The following PHF14 variants were observed in gnomAD, a reference collection of about 807,000 sequenced individuals.
The protein encoded by PHF14 is PHD finger protein 14.
In PHF14, 55 loss-of-function variants were observed where a neutral mutation model predicts 117.9. The observed-to-expected ratio is 0.47, with a 90% confidence interval of 0.38 to 0.58. The LOEUF (loss-of-function observed/expected upper bound fraction) is 0.58. Among genes scored for constraint, PHF14 ranks in the 20% least tolerant of loss-of-function variants. The probability of loss-of-function intolerance (pLI) is 0.00; values close to 1 mark genes in which losing one functional copy is unlikely to be tolerated. For synonymous variants in PHF14, 409 were observed against 368.6 expected, an observed-to-expected ratio of 1.11 and a Z score of -1.26; for missense variants, 978 against 1,122.2, an observed-to-expected ratio of 0.87 and a Z score of 1.84.
At chr7:10,989,511 C>G (rs1055957072) in intron 3 of PHF14, among the ~76,000 whole-genome samples, 2 of 152,118 alleles carry the variant, frequency 1.3e-5, no homozygotes, top group Non-Finnish European at 2.9e-5. Flanking sequence ...ATTAAATATG[C>G]AAGAATCATT....
chr7:11,016,061 A>T (rs1332615910), intron 5 of PHF14, among the ~76,000 whole-genome samples: 1 of 152,146 alleles, frequency 6.6e-6, no homozygotes, highest in African/African-American at 2.4e-5. Flanking sequence ...TGAATGAAGA[A>T]AACTGAGGCC....
chr7:11,073,094 C>T (rs1015384628), intron 16 of PHF14, among the ~76,000 whole-genome samples: 12 of 152,076 alleles, frequency 7.9e-5, no homozygotes, highest in Non-Finnish European at 1.3e-4. Flanking sequence ...CTCCTTGCCC[C>T]CCCTCCCCAG....
Position 11,102,369 on chromosome 7 carries a change from C to G in PHF14, c.2655-8981C>G, listed in dbSNP as rs528052284. On this transcript the variant is annotated intron_variant, in intron 16 of 17. Coordinates refer to ENST00000634607, the MANE Select transcript of PHF14 (RefSeq NM_001007157.2). ...GGTTTAGAGTATCTATCTCTTTGGA[C>G]CAGATCATATGTTATTTGAATCTAC... 2.7e-4 allele frequency: 290 copies of G among 1,063,880 alleles called. 1 individual carries two copies. The South Asian group carries it at 4.0e-3, about 15-fold the overall frequency. 65.9% of individuals were successfully genotyped at this position (1,063,880 alleles called of 1,614,324 possible). A position where few individuals can be genotyped will look rare whatever the true frequency, so the allele number is the denominator to read the frequency against.
Position 10,982,510 on chromosome 7 carries a change from C to A in PHF14, c.251C>A (p.Ser84Tyr), listed in dbSNP as rs199762530. Residue 84 changes from serine to tyrosine, a missense_variant, in exon 3 of 18, where the codon TCT becomes TAT. Physicochemically the swap from Ser to Tyr is moderately radical, Grantham distance 144. Coordinates refer to ENST00000634607, the MANE Select transcript of PHF14 (RefSeq NM_001007157.2). ...GTAAAAGAAGAACAACTTAAAAATT[C>A]TGCAGAGGAAGAAGTACTATCATCA... ...IKVKEEQLKN[S>Y]AEEEVLSSEK... is the part of the protein sequence containing the mutation. 1.9e-6 allele frequency: 3 copies of A among 1,550,040 alleles called. No individual in the cohort carries two copies. Among genetic ancestry groups the A allele is most frequent in the Non-Finnish European group, 2.6e-6 (3 of 1,136,794 alleles).
intron 16 of PHF14, chr7:11,102,760 C>T (rs781466175): frequency 5.1e-6 from 7 of 1,382,834 alleles, no homozygotes; most frequent in Non-Finnish European, 6.5e-6. Context: ...TATTTTTCTT[C>T]TTTTTGCTTT....
At chr7:11,004,461 AC>A (rs1457826064) in intron 4 of PHF14, among the ~76,000 whole-genome samples, 1 of 150,810 alleles carries the variant, frequency 6.6e-6, no homozygotes, top group Non-Finnish European at 1.5e-5. Flanking sequence ...CTCTATTGTC[AC>A]TATGGTTTCT....
intron 16 of PHF14, among the ~76,000 whole-genome samples, chr7:11,064,070 A>G (rs1346962224): frequency 6.6e-6 from 1 of 151,986 alleles, no homozygotes; most frequent in Non-Finnish European, 1.5e-5. Context: ...TATTGGTACT[A>G]TATTTTAATA....
At chr7:11,146,092 T>G (rs1434795107) in intron 17 of PHF14, among the ~76,000 whole-genome samples, 5 of 152,132 alleles carry the variant, frequency 3.3e-5, no homozygotes, top group African/African-American at 1.2e-4. Flanking sequence ...CTGTAAACAG[T>G]GAAAATGTCA....
intron 16 of PHF14, 108 bp from the exon 17 acceptor site, chr7:11,111,239 TAAC>T: frequency 2.1e-6 from 1 of 469,464 alleles, no homozygotes; most frequent in Non-Finnish European, 3.8e-6. Context: ...AGGATAAAAT[TAAC>T]AGTGTTGAAG....
At chr7:11,135,602 CT>C (rs1379218227) in intron 17 of PHF14, among the ~76,000 whole-genome samples, 1 of 151,972 alleles carries the variant, frequency 6.6e-6, no homozygotes, top group Non-Finnish European at 1.5e-5. Flanking sequence ...AAGAAATGTT[CT>C]TTTTTTCCCA....
Position 10,982,531 on chromosome 7 carries a change from C to A in PHF14, c.272C>A (p.Ser91Ter). Residue 91 changes from serine to a stop codon, truncating the protein, a stop_gained, in exon 3 of 18, where the codon TCA becomes TAA. Coordinates refer to ENST00000634607, the MANE Select transcript of PHF14 (RefSeq NM_001007157.2). LOFTEE classifies it high-confidence loss of function. The stretch of plus-strand genomic sequence containing the variant: ...AATTCTGCAGAGGAAGAAGTACTAT[C>A]ATCAGAAAAACAATTAATTAAAATG... ...LKNSAEEEVL[S>*]SEKQLIKMEK... The A allele has an allele frequency of 6.6e-7, 1 of 1,522,552 alleles. No homozygotes were observed. Among genetic ancestry groups the A allele is most frequent in the Non-Finnish European group, 8.9e-7 (1 of 1,119,866 alleles). 94.3% of individuals were successfully genotyped at this position (1,522,552 alleles called of 1,614,324 possible).
intron 16 of PHF14, chr7:11,107,483 G>C: frequency 7.1e-6 from 6 of 841,246 alleles, no homozygotes; most frequent in Non-Finnish European, 8.6e-6. Context: ...AATTAGGTTT[G>C]CTTTTATCTT....
intron 17 of PHF14, among the ~76,000 whole-genome samples, chr7:11,165,338 A>T (rs1232386267): frequency 6.6e-6 from 1 of 152,170 alleles, no homozygotes; most frequent in Non-Finnish European, 1.5e-5. Flanking sequence ...ACCAGAGGTG[A>T]TGTGCCGTTT....
chr7:11,122,346 T>TACAC (rs1256614887), intron 17 of PHF14, among the ~76,000 whole-genome samples: 4 of 64,554 alleles, frequency 6.2e-5, no homozygotes, highest in Non-Finnish European at 1.1e-4. Context: ...TATATATATA[T>TACAC]ATATATACAC....
In PHF14 at chr7:10,974,830, C is replaced by A. The variant is rs762381739; in HGVS notation, c.2-5C>A. 4.0e-6 allele frequency: 6 copies of A among 1,495,832 alleles called. No individual in the cohort carries two copies. The highest frequency in any genetic ancestry group is 5.5e-6 in the Non-Finnish European group (6 of 1,090,840). The allele number at this position is 1,495,832 out of a possible 1,614,324, so 92.7% of individuals were successfully genotyped here. Reference sequence around the variant, plus strand: ...AATGACAATGTAATTTTTTTCTCTTCACAGTGGATCGCAGCTCCAAGAGGA... The same window carrying A: ...AATGACAATGTAATTTTTTTCTCTTAACAGTGGATCGCAGCTCCAAGAGGA... On this transcript the variant is annotated splice_polypyrimidine_tract_variant and splice_region_variant and intron_variant, in intron 1 of 17. Coordinates refer to ENST00000634607, the MANE Select transcript of PHF14 (RefSeq NM_001007157.2).
At chr7:11,062,326 C>T (rs892472968) in intron 16 of PHF14, 1 of 282,394 alleles carries the variant, frequency 3.5e-6, no homozygotes, top group African/African-American at 2.2e-5. Flanking sequence ...TTATTTTTCT[C>T]TTGACAAGAG....
intron 11 of PHF14, among the ~76,000 whole-genome samples, chr7:11,039,569 T>TTTG (rs1212958128): frequency 6.6e-6 from 1 of 152,186 alleles, no homozygotes; most frequent in East Asian, 1.9e-4. Flanking sequence ...AGACCCACTG[T>TTTG]TTGTGGTCCT....
In PHF14 at chr7:11,036,523, A is replaced by G. The variant is rs1385040629; in HGVS notation, c.1708A>G (p.Thr570Ala). 2 of 1,613,832 alleles carry G rather than the reference A, an allele frequency of 1.2e-6. No individual in the cohort carries two copies. The highest frequency in any genetic ancestry group is 1.7e-6 in the Non-Finnish European group (2 of 1,179,866). Residue 570 changes from threonine (T) to alanine (A), a missense_variant, in exon 9 of 18, where the codon ACC becomes GCC. By Grantham distance (58) the Thr-to-Ala change is moderately conservative (BLOSUM62 0). This residue lies in a region of PHF14 where 237 missense variants were observed against 276.4 expected (regional missense o/e 0.86). Coordinates refer to ENST00000634607, the MANE Select transcript of PHF14 (RefSeq NM_001007157.2). The part of the protein sequence containing the change: ...VPREKLPRPL[T>A]SSASAIRKLM... Reference sequence around the variant, plus strand: ...AAGGGAAAAATTGCCCAGACCACTCACCAGCAGTGCTTCAGCTATTCGTAA... The same window carrying G: ...AAGGGAAAAATTGCCCAGACCACTCGCCAGCAGTGCTTCAGCTATTCGTAA...
chr7:11,149,544 A>G (rs954446293), intron 17 of PHF14, among the ~76,000 whole-genome samples: 1 of 152,194 alleles, frequency 6.6e-6, no homozygotes, highest in African/African-American at 2.4e-5. Context: ...ATCTATTGCA[A>G]CTTGCCTTGG....
Sources: allele counts gnomAD v4.1 joint callset (sites outside exome capture counted in the v4.1 genomes callset), GRCh38; gene constraint gnomAD v4.1.1; regional missense constraint gnomAD v4.1.1; transcripts MANE v1.5; gene names NCBI Gene and HGNC (gene_info 2026-07-23, HGNC 2026-07-21).